CDH3: variants seen among roughly 807,000 people sequenced by gnomAD.
The protein encoded by CDH3 is cadherin-3.
In CDH3, 54 loss-of-function variants were observed where a neutral mutation model predicts 82.0. The ratio of observed to expected loss-of-function variants is 0.66; its 90% CI spans 0.53 to 0.83. The LOEUF is 0.83. Among genes scored for constraint, CDH3 ranks in the 40% least tolerant of loss-of-function variants. The probability of loss-of-function intolerance (pLI) is 0.00; values close to 1 mark genes in which losing one functional copy is unlikely to be tolerated. For synonymous variants in CDH3, 446 were observed against 437.9 expected (o/e 1.02, Z -0.23); for missense variants, 1,054 against 1,084.6 (o/e 0.97, Z 0.40).
intron 2 of CDH3, among the ~76,000 whole-genome samples, chr16:68,654,379 AATTTTTTTTTTT>A: frequency 1.4e-5 from 1 of 71,546 alleles, no homozygotes; most frequent in African/African-American, 5.9e-5. Context: ...TTTTTAAATT[AATTTTTTTTTTT>A]TTTTTTTTTT....
rs1026712146 is a variant in CDH3, at chr16:68,678,755, C to T, written c.547-7C>T. 5.6e-6 allele frequency: 9 copies of T among 1,613,896 alleles called. No homozygotes were observed. Among genetic ancestry groups the T allele is most frequent in the Non-Finnish European group, 6.8e-6 (8 of 1,179,930 alleles). On this transcript the variant is annotated splice_region_variant and splice_polypyrimidine_tract_variant and intron_variant, in intron 5 of 15. Transcript: ENST00000264012. ...CCGGGCTGACCCCAGAGCTGTGTACCCCACAGCTCTTTGGCCACGCTGTGT... is the reference window on the plus strand; with the variant it reads ...CCGGGCTGACCCCAGAGCTGTGTACTCCACAGCTCTTTGGCCACGCTGTGT...
At chr16:68,687,968 A>G (rs143067841) in intron 12 of CDH3, among the ~76,000 whole-genome samples, 2 of 149,312 alleles carry the variant, frequency 1.3e-5, no homozygotes, top group Non-Finnish European at 3.0e-5. Context: ...GTAGATGGAA[A>G]AACTGAGGCC....
At chr16:68,685,694 C>T (rs1006278115) in intron 11 of CDH3, among the ~76,000 whole-genome samples, 3 of 152,154 alleles carry the variant, frequency 2.0e-5, no homozygotes, top group African/African-American at 7.2e-5. Flanking sequence ...GTAGTCCCAG[C>T]TACTCCGGAC....
At chr16:68,656,464 C>T (rs898945398) in intron 2 of CDH3, among the ~76,000 whole-genome samples, 9 of 152,178 alleles carry the variant, frequency 5.9e-5, no homozygotes, top group African/African-American at 2.2e-4. Context: ...CAGATACCAC[C>T]TAATAGCTTA....
Position 68,672,123 on chromosome 16 carries a change from G to A in CDH3, c.161-4262G>A, listed in dbSNP as rs545795076. Reference sequence around the variant, plus strand: ...AGGAGAATGGCGTGAACCCCAGGGGGCGGAGCCTGCAGTGAGCCGAGATTG... The same window carrying A: ...AGGAGAATGGCGTGAACCCCAGGGGACGGAGCCTGCAGTGAGCCGAGATTG... On this transcript the variant is annotated intron_variant, in intron 2 of 15. Coordinates refer to ENST00000264012, the MANE Select transcript of CDH3 (RefSeq NM_001793.6). 6.6e-5 allele frequency among the ~76,000 whole-genome samples: 10 copies of A among 151,444 alleles called. No individual in the cohort carries two copies. The South Asian group carries it at 1.2e-3, about 19-fold the overall frequency.
rs184148598 is a variant in CDH3 at position 68,663,043 on chromosome 16, A to G, written c.161-13342A>G. Among the ~76,000 whole-genome samples, 921 of 147,988 alleles carry G rather than the reference A, an allele frequency of 6.2e-3. 1 individual carries two copies. The highest frequency in any genetic ancestry group is 0.011 in the Middle Eastern group (3 of 272). On this transcript the variant is annotated intron_variant, in intron 2 of 15. Coordinates refer to ENST00000264012, the MANE Select transcript of CDH3 (RefSeq NM_001793.6). ...GCCACCACACCCAGCTAATTTTTGTATTAGTACAGACGGAGTTTCACCATG... is the reference window on the plus strand; with the variant it reads ...GCCACCACACCCAGCTAATTTTTGTGTTAGTACAGACGGAGTTTCACCATG...
At chr16:68,659,692 A>G (rs972508059) in intron 2 of CDH3, among the ~76,000 whole-genome samples, 2 of 152,112 alleles carry the variant, frequency 1.3e-5, no homozygotes, top group African/African-American at 2.4e-5. Flanking sequence ...TTCAAAAAAA[A>G]CCAAAAAATA....
At chr16:68,676,498 A>C (rs200141594) in intron 3 of CDH3, 28 bp downstream of exon 3, 1 of 1,559,838 alleles carries the variant, frequency 6.4e-7, no homozygotes, top group East Asian at 2.2e-5. Flanking sequence ...CCTGCAGGAC[A>C]AAAGAAAGAT....
At chr16:68,703,150 A>C (rs1212235498), downstream of CDH3, among the ~76,000 whole-genome samples, 1 of 152,106 alleles carries the variant, frequency 6.6e-6, no homozygotes, top group Non-Finnish European at 1.5e-5. Flanking sequence ...TTTCTTCCCA[A>C]AGGGACTAAA....
intron 9 of CDH3, among the ~76,000 whole-genome samples, chr16:68,683,140 T>C (rs1325316692): frequency 6.6e-6 from 1 of 152,142 alleles, no homozygotes; most frequent in Non-Finnish European, 1.5e-5. Flanking sequence ...TTTTACTTCC[T>C]GGTTTACTAT....
intron 1 of CDH3, among the ~76,000 whole-genome samples, chr16:68,709,882 A>G (rs1192718569): frequency 6.6e-6 from 1 of 152,140 alleles, no homozygotes; most frequent in Non-Finnish European, 1.5e-5. Context: ...GTCCTCCCAG[A>G]TATCCTGGAA....
downstream of CDH3, among the ~76,000 whole-genome samples, chr16:68,728,184 G>C (rs1962238933): frequency 1.4e-5 from 2 of 142,426 alleles, no homozygotes; most frequent in South Asian, 4.5e-4. Flanking sequence ...TTTGTTTTTT[G>C]AGACGGAGTC....
chr16:68,685,389 T>C (rs200709679), intron 11 of CDH3, 39 bp downstream of exon 11: 89 of 1,609,618 alleles, frequency 5.5e-5, no homozygotes, highest in Non-Finnish European at 7.6e-5. Flanking sequence ...AGGGCCACTT[T>C]TGGTTCTCAG....
intron 13 of CDH3, among the ~76,000 whole-genome samples, chr16:68,693,484 C>T (rs34970923): frequency 6.6e-5 from 10 of 152,220 alleles, no homozygotes; most frequent in Non-Finnish European, 1.0e-4. Context: ...GCAAGGCTTT[C>T]GGCTTAAGGA....
intron 1 of CDH3, among the ~76,000 whole-genome samples, chr16:68,706,566 T>G (rs993820406): frequency 1.4e-5 from 2 of 144,374 alleles, no homozygotes; most frequent in Non-Finnish European, 1.5e-5. Flanking sequence ...TTTTTTTTTT[T>G]TTTTGAGACA....
intron 2 of CDH3, among the ~76,000 whole-genome samples, chr16:68,647,180 G>A (rs1213348075): frequency 6.6e-6 from 1 of 152,034 alleles, no homozygotes; most frequent in Non-Finnish European, 1.5e-5. Flanking sequence ...ATGTGAATTC[G>A]GGCAGGGCCC....
downstream of CDH3, among the ~76,000 whole-genome samples, chr16:68,701,051 A>G (rs1041010839): frequency 6.6e-6 from 1 of 151,972 alleles, no homozygotes; most frequent in South Asian, 2.1e-4. Context: ...GTTATCTTCA[A>G]CTCCCTTCAG....
intron 4 of CDH3, 98 bp from the exon 5 acceptor site, chr16:68,678,403 A>T: frequency 6.3e-7 from 1 of 1,579,952 alleles, no homozygotes; most frequent in South Asian, 1.1e-5. Context: ...TTCAGTGAGC[A>T]GATTCTCCTA....
intron 13 of CDH3, among the ~76,000 whole-genome samples, chr16:68,693,540 G>A (rs1029893067): frequency 2.0e-5 from 3 of 152,188 alleles, no homozygotes; most frequent in Non-Finnish European, 4.4e-5. Context: ...ACCATGGGAA[G>A]AGACTTGCCA....
Sources: gnomAD v4.1 joint callset for allele counts (sites outside exome capture counted in the v4.1 genomes callset) on GRCh38, gnomAD v4.1.1 for gene constraint, MANE v1.5 for transcripts, NCBI Gene and HGNC (gene_info 2026-07-23, HGNC 2026-07-21) for gene names.